The following FN1 variants were observed in gnomAD, a reference collection of about 807,000 sequenced individuals.
The protein encoded by FN1 is fibronectin 1, also known as fibronectin.
In FN1, 106 loss-of-function variants were observed where a neutral mutation model predicts 297.3. That is an observed-to-expected ratio of 0.36 (90% CI 0.30 to 0.42). FN1 has a LOEUF of 0.42. Among genes scored for constraint, FN1 ranks in the 10% least tolerant of loss-of-function variants. The pLI is 1.00. For missense variants in FN1, 2,690 were observed against 3,124.9 expected (o/e 0.86, Z 3.32); for synonymous variants, 1,149 against 1,152.6 (o/e 1.00, Z 0.06).
rs778874187 is a variant in FN1 at position 215,392,913 on chromosome 2, G to C, written c.4069+18C>G. ...CAACACCATCTATGTCTCAAACGCA[G>C]AAGTTTTCAAAATTCACCCGTTTGT... On this transcript the variant is annotated intron_variant, in intron 25 of 45. Transcript: ENST00000354785. The C allele has an allele frequency of 6.2e-7, 1 of 1,612,190 alleles. No homozygotes were observed. Among genetic ancestry groups the C allele is most frequent in the Non-Finnish European group, 8.5e-7 (1 of 1,179,952 alleles).
At chr2:215,375,521 T>G in intron 37 of FN1, 108 bp downstream of exon 37, 1 of 1,251,000 alleles carries the variant, frequency 8.0e-7, no homozygotes, top group Non-Finnish European at 1.2e-6. Context: ...GAAACAAGAT[T>G]CTCTGGAATC....
chr2:215,405,793 C>A (rs1200068169), intron 19 of FN1, among the ~76,000 whole-genome samples: 1 of 151,838 alleles, frequency 6.6e-6, no homozygotes, highest in African/African-American at 2.4e-5. Flanking sequence ...TTCCTAAGGT[C>A]AAAACAAAGA....
At chr2:215,363,520 C>T (rs1369101057) in intron 44 of FN1, 1 of 152,346 alleles carries the variant, frequency 6.6e-6, no homozygotes, top group East Asian at 1.9e-4. Context: ...TTTCCATGGG[C>T]TGCCCCTGGT....
At position 215,397,121 on chromosome 2, in the gene FN1, T is replaced by C. The variant is rs369200575; in HGVS notation, c.3604+16A>G. 1.9e-5 allele frequency: 29 copies of C among 1,564,690 alleles called. No homozygotes were observed. In the African/African-American group the frequency reaches 3.2e-4, roughly 17 times the overall value. ...GGTATGGTGTATACTTGCCCTCTGA[T>C]CCATCCCAAACTTACCTGGGGTGGT... On this transcript the variant is annotated intron_variant, in intron 23 of 45. Coordinates refer to ENST00000354785, the MANE Select transcript of FN1 (RefSeq NM_212482.4).
chr2:215,364,969 A>G lies in FN1; in HGVS notation c.7161T>C (p.Tyr2387=), dbSNP rs11651. 505,069 of 1,573,182 alleles carry G rather than the reference A, an allele frequency of 0.32. 85,237 individuals carry two copies. The highest frequency in any genetic ancestry group is 0.49 in the South Asian group (41,978 of 85,940). ...FKCDPHEATC[Y]DDGKTYHVGE... ...CTACGTGGTATGTCTTCCCATCATC[A>G]TAACACGTTGCCTCATCTGCATATA... Residue 2387 remains tyrosine (Y), a synonymous_variant, in exon 44 of 46, where the codon TAT becomes TAC. Coordinates refer to ENST00000354785, the MANE Select transcript of FN1 (RefSeq NM_212482.4).
chr2:215,420,200 C>G (rs2064037634), intron 11 of FN1, among the ~76,000 whole-genome samples: 1 of 151,948 alleles, frequency 6.6e-6, no homozygotes, highest in African/African-American at 2.4e-5. Flanking sequence ...TTAGCTGGGC[C>G]TGGTGGCGCA....
intron 25 of FN1, 154 bp from the exon 26 acceptor site, chr2:215,391,968 G>A: frequency 1.4e-6 from 1 of 694,980 alleles, no homozygotes; most frequent in Non-Finnish European, 2.5e-6. Flanking sequence ...AAGTTATAGT[G>A]TACTACTGTT....
chr2:215,402,514 C>T (rs2061285122), intron 20 of FN1, among the ~76,000 whole-genome samples: 1 of 152,138 alleles, frequency 6.6e-6, no homozygotes, highest in African/African-American at 2.4e-5. Context: ...CAGAATTCAG[C>T]TTAGTAAGAT....
intron 36 of FN1, 60 bp downstream of exon 36, chr2:215,376,438 A>AG (rs2057304692): frequency 4.1e-6 from 6 of 1,458,174 alleles, no homozygotes; most frequent in Non-Finnish European, 5.8e-6. Flanking sequence ...ACAGTTAATA[A>AG]GCCCGTTTAC....
At chr2:215,430,352 A>G (rs2066282093) in intron 5 of FN1, among the ~76,000 whole-genome samples, 1 of 152,088 alleles carries the variant, frequency 6.6e-6, no homozygotes, top group Non-Finnish European at 1.5e-5. Flanking sequence ...ACTATCCCTA[A>G]CTCCAGAGTA....
intron 27 of FN1, 62 bp from the exon 28 acceptor site, chr2:215,387,020 A>G (rs2059115483): frequency 6.8e-7 from 1 of 1,475,302 alleles, no homozygotes. Context: ...CAGTTTAGGA[A>G]GTGAGGAAGG....
chr2:215,372,448 C>A lies in FN1; in HGVS notation c.6248-73G>T. 2.7e-6 allele frequency: 3 copies of A among 1,101,728 alleles called. No homozygotes were observed. In the South Asian group the frequency reaches 3.7e-5, roughly 14 times the overall value. 68.2% of individuals were successfully genotyped at this position (1,101,728 alleles called of 1,614,324 possible). A position where few individuals can be genotyped will look rare whatever the true frequency, so the allele number is the denominator to read the frequency against. On this transcript the variant is annotated intron_variant, in intron 39 of 45. Transcript: ENST00000354785. ...AGGAAGTAGCAGCAATGATAATAATCGATTCAGGCAACAATGACTGTTCAT... is the reference window on the plus strand; with the variant it reads ...AGGAAGTAGCAGCAATGATAATAATAGATTCAGGCAACAATGACTGTTCAT...
chr2:215,402,798 C>T (rs2061317255), intron 20 of FN1, among the ~76,000 whole-genome samples: 1 of 152,144 alleles, frequency 6.6e-6, no homozygotes, highest in African/African-American at 2.4e-5. Context: ...CAGTTAAAAT[C>T]ATTATATTTT....
Position 215,386,695 on chromosome 2 carries a change from A to T in FN1, c.4606T>A (p.Ser1536Thr), listed in dbSNP as rs769010764. ...EESPLLIGQQSTVSDVPRDLE... is the reference protein window; with the variant it reads ...EESPLLIGQQTTVSDVPRDLE... ...TGCAGACAAGAAAAGTTACCTGTTG[A>T]TTGTTGGCCAATCAATAAGGGACTT... is the stretch of plus-strand genomic sequence containing the variant. The change falls in exon 28 of 46, where the codon TCA (serine) becomes ACA (threonine). Residue 1536 changes from serine (S) to threonine (T), a missense_variant. Coordinates refer to ENST00000354785, the MANE Select transcript of FN1 (RefSeq NM_212482.4). 1.4e-5 allele frequency: 22 copies of T among 1,606,208 alleles called. No homozygotes were observed. Among genetic ancestry groups the T allele is most frequent in the Non-Finnish European group, 1.8e-5 (21 of 1,178,082 alleles).
At chr2:215,378,038 C>G (rs1438279596) in intron 35 of FN1, 137 bp downstream of exon 35, 3 of 694,008 alleles carry the variant, frequency 4.3e-6, no homozygotes, top group Non-Finnish European at 7.9e-6. Context: ...AAACTCCTGG[C>G]CTCAAGTGAC....
At position 215,408,095 on chromosome 2, in the gene FN1, A is replaced by T. The variant is rs1203749065; in HGVS notation, c.2518+13T>A. ...ATTAACATAGCAGCCAAAGAGGGGG[A>T]CGCTTAGCTGACCTGTGATGGGAGC... On this transcript the variant is annotated intron_variant, in intron 17 of 45. Coordinates refer to ENST00000354785, the MANE Select transcript of FN1 (RefSeq NM_212482.4). The T allele has an allele frequency of 6.2e-7, 1 of 1,604,122 alleles. No homozygotes were observed. Among genetic ancestry groups the T allele is most frequent in the African/African-American group, 1.3e-5 (1 of 74,610 alleles).
At chr2:215,406,619 T>G in intron 18 of FN1, 109 bp from the exon 19 acceptor site, 1 of 1,124,192 alleles carries the variant, frequency 8.9e-7, no homozygotes, top group South Asian at 1.3e-5. Flanking sequence ...CATTCGAGAG[T>G]TTTGCTAAGT....
At chr2:215,402,520 A>G (rs1427409217) in intron 20 of FN1, among the ~76,000 whole-genome samples, 3 of 152,228 alleles carry the variant, frequency 2.0e-5, no homozygotes, top group African/African-American at 4.8e-5. Flanking sequence ...TCAGCTTAGT[A>G]AGATAGTAAA....
intron 5 of FN1, among the ~76,000 whole-genome samples, chr2:215,429,714 C>A (rs962764778): frequency 2.0e-5 from 3 of 152,180 alleles, no homozygotes; most frequent in Non-Finnish European, 4.4e-5. Context: ...TCCCTGACCC[C>A]CTAAGTACTC....
Sources: allele counts gnomAD v4.1 joint callset (sites outside exome capture counted in the v4.1 genomes callset), GRCh38; gene constraint gnomAD v4.1.1; transcripts MANE v1.5; gene names NCBI Gene and HGNC (gene_info 2026-07-23, HGNC 2026-07-21).